The following SNX8 variants were observed in gnomAD, a reference collection of about 807,000 sequenced individuals.
The protein encoded by SNX8 is sorting nexin-8.
SNX8 carries 25 observed loss-of-function variants against 51.6 expected under a neutral mutation model. The ratio of observed to expected loss-of-function variants is 0.48; its 90% CI spans 0.35 to 0.68. The LOEUF (loss-of-function observed/expected upper bound fraction) is 0.68, where lower values mean the gene tolerates loss of function less well. Ranked by LOEUF, SNX8 falls within the 30% of genes least tolerant of loss-of-function variation. SNX8 has a pLI of 0.00. For synonymous variants in SNX8, 324 were observed against 277.0 expected, an observed-to-expected ratio of 1.17 and a Z score of -1.68; for missense variants, 695 against 624.0, an observed-to-expected ratio of 1.11 and a Z score of -1.21.
rs758380269 is a variant in SNX8 at position 2,263,276 on chromosome 7, C to A, written c.869G>T (p.Gly290Val). The change falls in exon 7 of 11, where the codon GGC becomes GTC. Residue 290 changes from glycine (G) to valine (V), a missense_variant. Gly to Val is a moderately radical substitution (Grantham distance 109). Transcript: ENST00000222990. ...GAGCAGCGCGAATTCCACAGACAGGCCTTTCAGAGCCTGCTTCAGGGACCC... is the reference window on the plus strand; with the variant it reads ...GAGCAGCGCGAATTCCACAGACAGGACTTTCAGAGCCTGCTTCAGGGACCC... ...TWGSLKQALK[G>V]LSVEFALLAD... 6.2e-7 allele frequency: 1 copy of A among 1,613,976 alleles called. No individual in the cohort carries two copies. The highest frequency in any genetic ancestry group is 8.5e-7 in the Non-Finnish European group (1 of 1,180,024).
In SNX8 at chr7:2,268,012, T is replaced by A. The variant is rs1157414155; in HGVS notation, c.621+1547A>T. On this transcript the variant is annotated intron_variant, in intron 5 of 10. Transcript: ENST00000222990. Reference sequence around the variant, plus strand: ...GCCTCTGCCCGGCCGAGACCCCGTCTGGGAGGTGAGGAGCGTCTCTGCCCG... The same window carrying A: ...GCCTCTGCCCGGCCGAGACCCCGTCAGGGAGGTGAGGAGCGTCTCTGCCCG... Among the ~76,000 whole-genome samples the A allele has an allele frequency of 2.0e-5, 3 of 150,268 alleles. No homozygotes were observed. The East Asian group carries it at 5.9e-4, about 29-fold the overall frequency.
intron 1 of SNX8, among the ~76,000 whole-genome samples, chr7:2,319,964 A>T (rs536705664): frequency 6.6e-6 from 1 of 152,300 alleles, no homozygotes; most frequent in African/African-American, 2.4e-5. Flanking sequence ...TGGGCAACAG[A>T]AGGAGACTAC....
At chr7:2,332,415 T>G (rs1778752818) in intron 1 of SNX8, among the ~76,000 whole-genome samples, 1 of 152,058 alleles carries the variant, frequency 6.6e-6, no homozygotes, top group Admixed American at 6.6e-5. Context: ...GCTATAAATT[T>G]CATAAAATTG....
At chr7:2,330,252 C>A (rs978686881) in intron 1 of SNX8, among the ~76,000 whole-genome samples, 3 of 151,222 alleles carry the variant, frequency 2.0e-5, no homozygotes, top group African/African-American at 7.3e-5. Context: ...ATTCTCCTGC[C>A]TCAGCCTTCC....
chr7:2,325,083 T>A (rs924356774), intron 1 of SNX8, among the ~76,000 whole-genome samples: 53 of 152,272 alleles, frequency 3.5e-4, no homozygotes, highest in African/African-American at 1.3e-3. Flanking sequence ...CCTCCTGACT[T>A]GGCCTCCCAA....
At chr7:2,314,537 A>T (rs1303452360), upstream of SNX8, 7 of 987,812 alleles carry the variant, frequency 7.1e-6, no homozygotes, top group Non-Finnish European at 8.5e-6. Flanking sequence ...CCCGCGCGCC[A>T]CGCCCACAGT....
At chr7:2,280,072 A>C (rs567545407) in intron 1 of SNX8, among the ~76,000 whole-genome samples, 1 of 152,294 alleles carries the variant, frequency 6.6e-6, no homozygotes, top group Admixed American at 6.5e-5. Context: ...AAGGGAGGAA[A>C]GAAAGAGAAA....
rs1040624108 is a variant in SNX8, at chr7:2,255,014, G to A, written c.*42C>T. On this transcript the variant is annotated 3_prime_UTR_variant, in exon 11 of 11. Coordinates refer to ENST00000222990, the MANE Select transcript of SNX8 (RefSeq NM_013321.4). ...ACCGGGACACACCGTTTGGAAAGAG[G>A]TTTTAGTGCGGCCGCAGGGAGCACC... 7.6e-6 allele frequency: 10 copies of A among 1,322,032 alleles called. No individual in the cohort carries two copies. The African/African-American group carries it at 1.2e-4, about 15-fold the overall frequency. 81.9% of individuals were successfully genotyped at this position (1,322,032 alleles called of 1,614,324 possible).
intron 1 of SNX8, among the ~76,000 whole-genome samples, chr7:2,298,549 T>C (rs902279131): frequency 4.0e-5 from 6 of 151,404 alleles, no homozygotes; most frequent in African/African-American, 1.5e-4. Context: ...TTTGTATTTT[T>C]AGTAGAGACG....
chr7:2,268,563 C>A (rs1584679695), intron 5 of SNX8, among the ~76,000 whole-genome samples: 1 of 146,050 alleles, frequency 6.8e-6, no homozygotes, highest in African/African-American at 2.5e-5. Flanking sequence ...GGGTCAGCCC[C>A]CCGCCTGGCC....
chr7:2,265,351 A>G (rs1393795322), intron 5 of SNX8, among the ~76,000 whole-genome samples: 1 of 151,264 alleles, frequency 6.6e-6, no homozygotes, highest in Non-Finnish European at 1.5e-5. Flanking sequence ...AAAACTAACA[A>G]TACTAATCTT....
Position 2,275,106 on chromosome 7 carries a change from C to T in SNX8, c.418+6G>A, listed in dbSNP as rs1165556264. ...CGCCCCCGGTGGGCAGCACGCCTGG[C>T]TTTACCTCCCAGCATTCTCTTGGGT... On this transcript the variant is annotated splice_donor_region_variant and intron_variant, in intron 3 of 10. Transcript: ENST00000222990. 6.2e-7 allele frequency: 1 copy of T among 1,603,196 alleles called. No homozygotes were observed.
At chr7:2,330,601 G>C (rs900972078) in intron 1 of SNX8, among the ~76,000 whole-genome samples, 3 of 152,058 alleles carry the variant, frequency 2.0e-5, no homozygotes, top group Non-Finnish European at 4.4e-5. Flanking sequence ...TCAGGGTCTG[G>C]GGGGATAGGT....
At chr7:2,269,285 T>A (rs1484859048) in intron 5 of SNX8, among the ~76,000 whole-genome samples, 1 of 151,364 alleles carries the variant, frequency 6.6e-6, no homozygotes, top group Non-Finnish European at 1.5e-5. Context: ...CGGTGCAGGA[T>A]GTGCTTTGTT....
chr7:2,285,344 G>A lies in SNX8; in HGVS notation c.95-7039C>T, dbSNP rs376975369. ...GCAGAGGTTGCGGTGAGCCAAGTTC[G>A]CGCCACTGCATTCCAGCCTGGGCAA... On this transcript the variant is annotated intron_variant, in intron 1 of 10. Transcript: ENST00000222990. Among the ~76,000 whole-genome samples the A allele has an allele frequency of 1.6e-3, 239 of 152,256 alleles. 1 individual carries two copies. The highest frequency in any genetic ancestry group is 5.5e-3 in the African/African-American group (227 of 41,552).
intron 1 of SNX8, among the ~76,000 whole-genome samples, chr7:2,303,884 TC>T (rs545564670): frequency 6.1e-4 from 92 of 150,848 alleles, no homozygotes; most frequent in African/African-American, 2.2e-3. Context: ...CTGCCGACCT[TC>T]CCTCCACTAT....
At position 2,271,904 on chromosome 7, in the gene SNX8, G is replaced by A. The variant is rs1283729373; in HGVS notation, c.486C>T (p.His162=). ...LKRFVNLVAR[H]PLFSEDVVLK... is the part of the protein sequence containing the mutation. ...GGACCACATCCTCGGAGAACAGGGGGTGTCGCGCCACCAGGTTGACGAAGC... is the reference window on the plus strand; with the variant it reads ...GGACCACATCCTCGGAGAACAGGGGATGTCGCGCCACCAGGTTGACGAAGC... Residue 162 remains histidine (H), a synonymous_variant, in exon 4 of 11, where the codon CAC becomes CAT. Coordinates refer to ENST00000222990, the MANE Select transcript of SNX8 (RefSeq NM_013321.4). 1 of 1,613,840 alleles carries A rather than the reference G, an allele frequency of 6.2e-7. No homozygotes were observed. Among genetic ancestry groups the A allele is most frequent in the East Asian group, 2.2e-5 (1 of 44,882 alleles).
chr7:2,327,363 C>T (rs1172964067), intron 1 of SNX8, among the ~76,000 whole-genome samples: 1 of 151,874 alleles, frequency 6.6e-6, no homozygotes, highest in Non-Finnish European at 1.5e-5. Context: ...CCTAAGCCTC[C>T]CAAGTAGCTG....
intron 1 of SNX8, among the ~76,000 whole-genome samples, chr7:2,352,756 A>T (rs1779177407): frequency 1.3e-5 from 2 of 152,112 alleles, no homozygotes; most frequent in Admixed American, 6.6e-5. Flanking sequence ...GAATGGCGTG[A>T]ACCCGGGAGG....
Sources: gnomAD v4.1 joint callset for allele counts (sites outside exome capture counted in the v4.1 genomes callset) on GRCh38, gnomAD v4.1.1 for gene constraint, MANE v1.5 for transcripts, NCBI Gene and HGNC (gene_info 2026-07-23, HGNC 2026-07-21) for gene names.